ARHGAP20: variants seen among roughly 807,000 people sequenced by gnomAD.
ARHGAP20 encodes the protein Rho GTPase activating protein 20, also known as rho GTPase-activating protein 20.
In ARHGAP20, 34 loss-of-function variants were observed where a neutral mutation model predicts 73.7. That is an observed-to-expected ratio of 0.46 (90% confidence interval 0.35 to 0.61). The LOEUF (loss-of-function observed/expected upper bound fraction) is 0.61, where lower values mean the gene tolerates loss of function less well. Ranked by LOEUF, ARHGAP20 falls within the 20% of genes least tolerant of loss-of-function variation. The probability of loss-of-function intolerance (pLI) is 0.00; values close to 1 mark genes in which losing one functional copy is unlikely to be tolerated. For missense variants in ARHGAP20, 1,314 were observed against 1,420.9 expected, an observed-to-expected ratio of 0.92 and a Z score of 1.21; for synonymous variants, 523 against 518.2, an observed-to-expected ratio of 1.01 and a Z score of -0.13.
intron 2 of ARHGAP20, among the ~76,000 whole-genome samples, chr11:110,635,032 A>G (rs1948936690): frequency 6.6e-6 from 1 of 152,114 alleles, no homozygotes; most frequent in Non-Finnish European, 1.5e-5. Flanking sequence ...GTAAGAGGCC[A>G]TGACTTGTCA....
At chr11:110,583,816 G>T in intron 12 of ARHGAP20, 79 bp from the exon 13 acceptor site, 1 of 1,191,332 alleles carries the variant, frequency 8.4e-7, no homozygotes, top group Non-Finnish European at 1.1e-6. Context: ...CACTTTGAAT[G>T]GGGAAGAGGG....
At chr11:110,682,325 T>A (rs901939460) in intron 2 of ARHGAP20, among the ~76,000 whole-genome samples, 3 of 152,184 alleles carry the variant, frequency 2.0e-5, no homozygotes, top group African/African-American at 7.2e-5. Flanking sequence ...TTAAGAACTT[T>A]AGATATATAA....
chr11:110,647,184 C>T (rs1034868136), intron 2 of ARHGAP20, among the ~76,000 whole-genome samples: 7 of 151,774 alleles, frequency 4.6e-5, no homozygotes, highest in African/African-American at 1.2e-4. Context: ...TGTGCATGCG[C>T]GCACATGCAT....
intron 12 of ARHGAP20, among the ~76,000 whole-genome samples, chr11:110,585,066 A>G (rs1947618401): frequency 6.7e-6 from 1 of 150,190 alleles, no homozygotes; most frequent in Non-Finnish European, 1.5e-5. Context: ...AATATATGTG[A>G]ACATATATGA....
chr11:110,710,256 T>C (rs1286468690), intron 1 of ARHGAP20, among the ~76,000 whole-genome samples: 1 of 152,224 alleles, frequency 6.6e-6, no homozygotes. Flanking sequence ...TTTGTTAATG[T>C]GTGAACCTGT....
chr11:110,684,426 C>T (rs1316669086), intron 2 of ARHGAP20, among the ~76,000 whole-genome samples: 1 of 152,076 alleles, frequency 6.6e-6, no homozygotes, highest in Non-Finnish European at 1.5e-5. Flanking sequence ...TTGGTACATA[C>T]TAACATACTT....
In ARHGAP20 at chr11:110,577,838, A is replaced by AT. The variant is rs748260347; in HGVS notation, c.*1531dup. On this transcript the variant is annotated 3_prime_UTR_variant, in exon 15 of 15. Transcript: ENST00000683387. ...TAACTTCTTCTATCTTAGAGAAAAT[A>AT]TTTTTTCCCCTATAACTGAAAATGC... The AT allele has an allele frequency of 9.9e-5, 98 of 985,620 alleles. No individual in the cohort carries two copies. Among genetic ancestry groups the AT allele is most frequent in the South Asian group, 1.9e-4 (4 of 21,290 alleles). The allele number at this position is 985,620 out of a possible 1,614,324, so 61.1% of individuals were successfully genotyped here. A position where few individuals can be genotyped will look rare whatever the true frequency, so the allele number is the denominator to read the frequency against.
intron 2 of ARHGAP20, among the ~76,000 whole-genome samples, chr11:110,675,834 C>A (rs766097772): frequency 6.6e-6 from 1 of 152,212 alleles, no homozygotes; most frequent in African/African-American, 2.4e-5. Flanking sequence ...CCTAAGGCAG[C>A]TGCTTTGTTC....
intron 1 of ARHGAP20, among the ~76,000 whole-genome samples, chr11:110,702,749 T>C (rs11213547): frequency 0.18 from 26,776 of 151,854 alleles, 2,393 homozygotes; most frequent in South Asian, 0.31. Flanking sequence ...AACAGACAAA[T>C]AGAGAGCCAA....
chr11:110,627,363 G>A (rs1288993117), intron 3 of ARHGAP20, among the ~76,000 whole-genome samples: 4 of 152,156 alleles, frequency 2.6e-5, no homozygotes, highest in African/African-American at 9.7e-5. Context: ...AAAGTGCTGG[G>A]ATTACAGGTG....
At chr11:110,695,104 T>A (rs1164556578) in intron 1 of ARHGAP20, among the ~76,000 whole-genome samples, 1 of 151,592 alleles carries the variant, frequency 6.6e-6, no homozygotes, top group African/African-American at 2.4e-5. Context: ...AGTTAATCAT[T>A]TGTCAACAAA....
chr11:110,592,707 AGAG>A (rs891164080), intron 9 of ARHGAP20, among the ~76,000 whole-genome samples: 1 of 152,126 alleles, frequency 6.6e-6, no homozygotes, highest in African/African-American at 2.4e-5. Flanking sequence ...AAGAAAGAGG[AGAG>A]GAGTTTTCTC....
intron 2 of ARHGAP20, among the ~76,000 whole-genome samples, chr11:110,688,984 C>CCATACTTT (rs1414431158): frequency 4.6e-5 from 7 of 150,898 alleles, no homozygotes; most frequent in Admixed American, 2.6e-4. Context: ...TGAAAAACTT[C>CCATACTTT]CATACTTTCA....
In ARHGAP20 at chr11:110,676,919, C is replaced by T. The variant is rs181730857; in HGVS notation, c.188+13628G>A. Among the ~76,000 whole-genome samples, 276 of 151,944 alleles carry T rather than the reference C, an allele frequency of 1.8e-3. 3 individuals are homozygous for T. The highest frequency in any genetic ancestry group is 6.3e-3 in the African/African-American group (261 of 41,416). The stretch of plus-strand genomic sequence containing the variant: ...GGAATGGTTAAATCAAGCTAATTAA[C>T]ATTATTTTATAGACTCTACATCATG... On this transcript the variant is annotated intron_variant, in intron 2 of 14. Coordinates refer to ENST00000683387, the MANE Select transcript of ARHGAP20 (RefSeq NM_001384657.1).
chr11:110,664,357 T>C (rs901002468), intron 2 of ARHGAP20, among the ~76,000 whole-genome samples: 2 of 152,098 alleles, frequency 1.3e-5, no homozygotes, highest in Admixed American at 6.6e-5. Context: ...GACATATATA[T>C]ATATACACAT....
At chr11:110,585,602 C>T (rs778928660) in intron 12 of ARHGAP20, among the ~76,000 whole-genome samples, 1 of 152,156 alleles carries the variant, frequency 6.6e-6, no homozygotes, top group South Asian at 2.1e-4. Context: ...TTCTTACTCT[C>T]TTATAATGCA....
intron 2 of ARHGAP20, among the ~76,000 whole-genome samples, chr11:110,640,729 A>G (rs1949060307): frequency 6.9e-6 from 1 of 144,058 alleles, no homozygotes; most frequent in Non-Finnish European, 1.5e-5. Context: ...TGTAATATGT[A>G]CTGTAACTTC....
intron 2 of ARHGAP20, among the ~76,000 whole-genome samples, chr11:110,662,119 T>C (rs930576049): frequency 2.0e-5 from 3 of 151,906 alleles, no homozygotes; most frequent in African/African-American, 4.8e-5. Flanking sequence ...GTATATACTA[T>C]ATTTTTGTTT....
chr11:110,586,236 C>T lies in ARHGAP20; in HGVS notation c.1395G>A (p.Glu465=). The part of the protein sequence containing the change: ...VSVMDQGNDE[E]KINTVQRLLD... ...ATTACCTTTGAACAGTATTTATTTTCTCTTCATCATTTCCTTGATCCATTA... is the reference window on the plus strand; with the variant it reads ...ATTACCTTTGAACAGTATTTATTTTTTCTTCATCATTTCCTTGATCCATTA... Residue 465 remains glutamate (E), a synonymous_variant, in exon 12 of 15, where the codon GAG becomes GAA. Transcript: ENST00000683387. 2.0e-6 allele frequency: 3 copies of T among 1,536,662 alleles called. No individual in the cohort carries two copies. Among genetic ancestry groups the T allele is most frequent in the East Asian group, 4.7e-5 (2 of 42,446 alleles).
Sources: allele counts gnomAD v4.1 joint callset (sites outside exome capture counted in the v4.1 genomes callset), GRCh38; gene constraint gnomAD v4.1.1; transcripts MANE v1.5; gene names NCBI Gene and HGNC (gene_info 2026-07-23, HGNC 2026-07-21).